The following DDX46 variants were observed in gnomAD, a reference collection of about 807,000 sequenced individuals.
DDX46 encodes probable ATP-dependent RNA helicase DDX46.
In DDX46, 30 loss-of-function variants were observed where a neutral mutation model predicts 134.9. The ratio of observed to expected loss-of-function variants is 0.22; its 90% CI spans 0.17 to 0.30. The LOEUF is 0.30. Ranked by LOEUF, DDX46 falls within the 10% of genes least tolerant of loss-of-function variation. The pLI is 1.00. For synonymous variants in DDX46, 415 were observed against 404.1 expected (o/e 1.03, Z -0.32); for missense variants, 622 against 1,248.7 (o/e 0.50, Z 7.56).
At chr5:134,826,797 A>G (rs1308827671) in intron 21 of DDX46, 150 bp from the exon 22 acceptor site, 4 of 610,732 alleles carry the variant, frequency 6.5e-6, no homozygotes, top group Admixed American at 6.9e-5. Context: ...AATGTGGGTA[A>G]TGTTCCACCA....
At chr5:134,800,974 C>T (rs549617486) in intron 15 of DDX46, among the ~76,000 whole-genome samples, 27 of 152,164 alleles carry the variant, frequency 1.8e-4, no homozygotes, top group African/African-American at 6.0e-4. Context: ...CACACCTGGC[C>T]TCATGTATTC....
intron 20 of DDX46, among the ~76,000 whole-genome samples, chr5:134,818,125 T>G (rs1265537180): frequency 6.6e-6 from 1 of 151,612 alleles, no homozygotes; most frequent in Admixed American, 6.6e-5. Flanking sequence ...TATTTTTGTA[T>G]TTTTAGTATT....
chr5:134,773,891 A>G, intron 5 of DDX46, 30 bp downstream of exon 5: 5 of 1,539,026 alleles, frequency 3.2e-6, no homozygotes, highest in Non-Finnish European at 4.4e-6. Context: ...AGCCTGTATA[A>G]CACCTCATGT....
chr5:134,774,526 T>C (rs1477832439), intron 5 of DDX46, among the ~76,000 whole-genome samples: 25 of 152,220 alleles, frequency 1.6e-4, no homozygotes, highest in Admixed American at 1.6e-3. Flanking sequence ...TGTTGTAATT[T>C]GAAATATAGA....
chr5:134,796,143 T>C lies in DDX46; in HGVS notation c.1947T>C (p.Leu649=). ...LMRASYPCMS[L]HGGIDQYDRD... is the part of the protein sequence containing the mutation. Reference sequence around the variant, plus strand: ...GAGCATCTTATCCTTGCATGTCTCTTCATGGAGGTAATTATTCACTTGATT... The same window carrying C: ...GAGCATCTTATCCTTGCATGTCTCTCCATGGAGGTAATTATTCACTTGATT... Residue 649 remains leucine, a synonymous_variant, in exon 15 of 23, where the codon CTT becomes CTC. Transcript: ENST00000452510. 6.2e-7 allele frequency: 1 copy of C among 1,613,040 alleles called. No individual in the cohort carries two copies. The highest frequency in any genetic ancestry group is 8.5e-7 in the Non-Finnish European group (1 of 1,179,794).
chr5:134,823,345 T>G (rs1755505978), intron 21 of DDX46, among the ~76,000 whole-genome samples: 1 of 151,856 alleles, frequency 6.6e-6, no homozygotes, highest in African/African-American at 2.4e-5. Flanking sequence ...TCACCATTGT[T>G]GGCCAGGATG....
chr5:134,808,119 A>G (rs969510231), intron 16 of DDX46, among the ~76,000 whole-genome samples, 178 bp downstream of exon 16: 1 of 152,212 alleles, frequency 6.6e-6, no homozygotes. Context: ...AGTGTTGTTC[A>G]AATTATCAGA....
rs1755659128 is a variant in DDX46 at position 134,828,811 on chromosome 5, T to G, written c.*105T>G. The G allele has an allele frequency of 2.4e-6, 2 of 848,984 alleles. No homozygotes were observed. Among genetic ancestry groups the G allele is most frequent in the Admixed American group, 3.4e-5 (1 of 29,120 alleles). 52.6% of individuals were successfully genotyped at this position (848,984 alleles called of 1,614,324 possible). ...AAATGAAGATTTTTTAAATTCTATC[T>G]TGCTGATTTTTTTTAAATATAAGAA... On this transcript the variant is annotated 3_prime_UTR_variant, in exon 23 of 23. Transcript: ENST00000452510.
chr5:134,799,790 G>A (rs1473014748), intron 15 of DDX46, among the ~76,000 whole-genome samples: 1 of 150,980 alleles, frequency 6.6e-6, no homozygotes, highest in Non-Finnish European at 1.5e-5. Context: ...CATGCCTGTA[G>A]TCCCAGCTAC....
At chr5:134,799,442 TA>T (rs1248304595) in intron 15 of DDX46, among the ~76,000 whole-genome samples, 304 of 138,120 alleles carry the variant, frequency 2.2e-3, no homozygotes, top group Non-Finnish European at 2.4e-3. Flanking sequence ...TGTGAATATT[TA>T]AAAAAAAAAA....
At chr5:134,823,460 G>T (rs915429173) in intron 21 of DDX46, among the ~76,000 whole-genome samples, 15 of 152,012 alleles carry the variant, frequency 9.9e-5, no homozygotes, top group African/African-American at 3.4e-4. Flanking sequence ...TATGTTTTCC[G>T]TGTTTTTCCC....
intron 6 of DDX46, among the ~76,000 whole-genome samples, chr5:134,779,944 C>T (rs910221733): frequency 5.9e-5 from 9 of 152,110 alleles, no homozygotes; most frequent in Non-Finnish European, 7.4e-5. Context: ...ACTAAAAATA[C>T]AAGAATTAGC....
chr5:134,830,756 T>C lies in DDX46; in HGVS notation c.*2050T>C, dbSNP rs1366365282. On this transcript the variant is annotated 3_prime_UTR_variant, in exon 23 of 23. Transcript: ENST00000452510. ...ACCACTTACTGTAAAATTTCAGAAATTGTGGGCTCATTCCCTCCCTCTAGT... is the reference window on the plus strand; with the variant it reads ...ACCACTTACTGTAAAATTTCAGAAACTGTGGGCTCATTCCCTCCCTCTAGT... 2.0e-5 allele frequency: 3 copies of C among 152,604 alleles called. No individual in the cohort carries two copies. Among genetic ancestry groups the C allele is most frequent in the Non-Finnish European group, 4.4e-5 (3 of 68,012 alleles). The allele number at this position is 152,604 out of a possible 1,614,324, so 9.5% of individuals were successfully genotyped here. A position where few individuals can be genotyped will look rare whatever the true frequency, so the allele number is the denominator to read the frequency against.
chr5:134,769,404 C>G (rs2150132139), intron 3 of DDX46, among the ~76,000 whole-genome samples: 1 of 143,190 alleles, frequency 7.0e-6, no homozygotes, highest in South Asian at 2.3e-4. Flanking sequence ...AATATCAGCT[C>G]ATTGCAACCT....
chr5:134,828,073 C>T (rs573469752), intron 22 of DDX46, among the ~76,000 whole-genome samples: 124 of 152,308 alleles, frequency 8.1e-4, no homozygotes, highest in African/African-American at 2.6e-3. Context: ...GGAAAAAGCC[C>T]TTTACAGACT....
At chr5:134,809,954 G>A (rs978172681) in intron 16 of DDX46, among the ~76,000 whole-genome samples, 15 of 152,238 alleles carry the variant, frequency 9.9e-5, no homozygotes, top group Admixed American at 2.6e-4. Context: ...CAGAGGTTGC[G>A]ATGAACCAAG....
intron 3 of DDX46, 113 bp downstream of exon 3, chr5:134,767,173 G>A: frequency 7.5e-7 from 1 of 1,337,498 alleles, no homozygotes. Flanking sequence ...AACTGCATTT[G>A]GCTCCTACCA....
chr5:134,774,459 T>G (rs2150135731), intron 5 of DDX46, among the ~76,000 whole-genome samples: 1 of 152,346 alleles, frequency 6.6e-6, no homozygotes, highest in Non-Finnish European at 1.5e-5. Flanking sequence ...TATTGAGTTC[T>G]GTGAACTATA....
chr5:134,795,216 TTTTG>T (rs1202642945), intron 14 of DDX46, among the ~76,000 whole-genome samples: 9 of 109,416 alleles, frequency 8.2e-5, no homozygotes, highest in Middle Eastern at 4.5e-3. Flanking sequence ...TTTTTTTTTT[TTTTG>T]TTTTTTTTTT....
Sources: allele counts gnomAD v4.1 joint callset (sites outside exome capture counted in the v4.1 genomes callset), GRCh38; gene constraint gnomAD v4.1.1; transcripts MANE v1.5; gene names NCBI Gene and HGNC (gene_info 2026-07-23, HGNC 2026-07-21).